Variants in CPQ observed in about 807,000 individuals in gnomAD.
CPQ encodes carboxypeptidase Q.
Under a neutral mutation model 45.7 loss-of-function variants are expected in CPQ, and 37 were observed. The ratio of observed to expected loss-of-function variants is 0.81; its 90% CI spans 0.62 to 1.07. CPQ has a LOEUF of 1.07. Among genes scored for constraint, CPQ ranks in the 50% least tolerant of loss-of-function variants. The pLI is 0.00. For missense variants in CPQ, 537 were observed against 572.9 expected (o/e 0.94, Z 0.64); for synonymous variants, 186 against 205.8 (o/e 0.90, Z 0.82).
intron 7 of CPQ, among the ~76,000 whole-genome samples, chr8:97,142,015 G>A (rs1812173546): frequency 6.6e-6 from 1 of 152,218 alleles, no homozygotes; most frequent in African/African-American, 2.4e-5. Flanking sequence ...AGACAGGCTA[G>A]TGGGTACCTC....
chr8:96,878,781 G>A (rs972964564), intron 3 of CPQ, among the ~76,000 whole-genome samples: 3 of 152,230 alleles, frequency 2.0e-5, no homozygotes, highest in Non-Finnish European at 2.9e-5. Context: ...TGTTGTGGGT[G>A]AAAGGAGGAG....
At chr8:96,976,313 C>T (rs1043717146) in intron 5 of CPQ, among the ~76,000 whole-genome samples, 8 of 142,748 alleles carry the variant, frequency 5.6e-5, no homozygotes, top group East Asian at 2.0e-4. Flanking sequence ...AAGACCTCTA[C>T]GAGTAAAACT....
At chr8:96,646,679 G>A (rs1198556512) in intron 1 of CPQ, among the ~76,000 whole-genome samples, 1 of 152,124 alleles carries the variant, frequency 6.6e-6, no homozygotes, top group East Asian at 1.9e-4. Flanking sequence ...ATCTCTTTAG[G>A]TTTTAATTTC....
rs924768107 is a variant in CPQ at position 96,663,730 on chromosome 8, A to G, written c.-35+18328A>G. On this transcript the variant is annotated intron_variant, in intron 1 of 7. Coordinates refer to ENST00000220763, the MANE Select transcript of CPQ (RefSeq NM_016134.4). ...ATTTTTTTCAACATCTTAAACTTCT[A>G]TTGAACAAATATTGTGTGTGTAGGT... 3.9e-5 allele frequency among the ~76,000 whole-genome samples: 6 copies of G among 152,126 alleles called. No homozygotes were observed. The East Asian group carries it at 7.7e-4, about 20-fold the overall frequency.
At chr8:96,755,844 C>G (rs1182655681) in intron 1 of CPQ, among the ~76,000 whole-genome samples, 1 of 151,806 alleles carries the variant, frequency 6.6e-6, no homozygotes, top group Non-Finnish European at 1.5e-5. Context: ...AGAATAAACA[C>G]AAGCATAAAA....
chr8:96,961,712 G>C (rs1353340251), intron 4 of CPQ, among the ~76,000 whole-genome samples: 1 of 151,960 alleles, frequency 6.6e-6, no homozygotes, highest in Non-Finnish European at 1.5e-5. Flanking sequence ...TTCAATTAAG[G>C]CTAGAATATT....
At chr8:97,101,134 G>A (rs1053794119) in intron 7 of CPQ, among the ~76,000 whole-genome samples, 1 of 151,958 alleles carries the variant, frequency 6.6e-6, no homozygotes, top group Non-Finnish European at 1.5e-5. Flanking sequence ...AATACTCCTC[G>A]TCCTTAAAGA....
At chr8:97,045,753 G>T (rs1810244651) in intron 6 of CPQ, among the ~76,000 whole-genome samples, 1 of 152,108 alleles carries the variant, frequency 6.6e-6, no homozygotes, top group South Asian at 2.1e-4. Flanking sequence ...TCTACTTCTG[G>T]TTACTGTGAT....
intron 4 of CPQ, among the ~76,000 whole-genome samples, chr8:96,896,468 T>A (rs2130893361): frequency 6.6e-6 from 1 of 152,306 alleles, no homozygotes; most frequent in South Asian, 2.1e-4. Flanking sequence ...TGTGCCTTCC[T>A]CATACTGACC....
At chr8:96,930,572 G>A (rs1401558525) in intron 4 of CPQ, among the ~76,000 whole-genome samples, 15 of 152,260 alleles carry the variant, frequency 9.9e-5, no homozygotes, top group Admixed American at 9.8e-4. Flanking sequence ...GTATTTTACT[G>A]GAAGTATAAT....
chr8:96,727,976 G>A (rs1320921067), intron 1 of CPQ, among the ~76,000 whole-genome samples: 2 of 152,150 alleles, frequency 1.3e-5, no homozygotes, highest in African/African-American at 2.4e-5. Flanking sequence ...CCCATAGGTC[G>A]CCCGTTGGTG....
chr8:96,969,348 A>G lies in CPQ; in HGVS notation c.961+3302A>G, dbSNP rs555107977. Among the ~76,000 whole-genome samples, 90 of 152,348 alleles carry G rather than the reference A, an allele frequency of 5.9e-4. 1 individual carries two copies. The highest frequency in any genetic ancestry group is 2.1e-3 in the African/African-American group (87 of 41,580). On this transcript the variant is annotated intron_variant, in intron 5 of 7. Transcript: ENST00000220763. ...TTGTGCATTGACTGCTGGTTCATGT[A>G]TCAGATGCCTTGCACTAAAGAGGAA...
intron 3 of CPQ, among the ~76,000 whole-genome samples, chr8:96,867,072 T>G (rs1812005309): frequency 6.6e-6 from 1 of 152,128 alleles, no homozygotes; most frequent in African/African-American, 2.4e-5. Flanking sequence ...TTATTTCCTA[T>G]CATCACCTGT....
intron 7 of CPQ, among the ~76,000 whole-genome samples, chr8:97,087,382 T>C (rs1222460601): frequency 1.3e-5 from 2 of 151,558 alleles, no homozygotes; most frequent in African/African-American, 4.9e-5. Flanking sequence ...CCTCGCCCAG[T>C]ATACTTCTCC....
intron 7 of CPQ, among the ~76,000 whole-genome samples, chr8:97,122,979 AAT>A (rs1272230304): frequency 1.5e-5 from 1 of 66,802 alleles, no homozygotes; most frequent in Admixed American, 2.3e-4. Flanking sequence ...AATAAAATAA[AAT>A]TAAAATAAAA....
At chr8:97,007,436 A>G (rs1362230872) in intron 5 of CPQ, among the ~76,000 whole-genome samples, 1 of 152,148 alleles carries the variant, frequency 6.6e-6, no homozygotes, top group Non-Finnish European at 1.5e-5. Flanking sequence ...CCTGACTCAT[A>G]TTTTAGTTTC....
chr8:96,841,885 T>C lies in CPQ; in HGVS notation c.641+6705T>C, dbSNP rs146478915. ...AGAGAGACATGAAAAAGTACATAAA[T>C]CAATCTCTATAATGATACTTAATTA... On this transcript the variant is annotated intron_variant, in intron 3 of 7. Coordinates refer to ENST00000220763, the MANE Select transcript of CPQ (RefSeq NM_016134.4). Among the ~76,000 whole-genome samples, 310 of 152,186 alleles carry C rather than the reference T, an allele frequency of 2.0e-3. 1 individual carries two copies. The highest frequency in any genetic ancestry group is 7.1e-3 in the African/African-American group (293 of 41,526).
At chr8:96,781,546 G>A (rs1308445755) in intron 1 of CPQ, among the ~76,000 whole-genome samples, 1 of 152,084 alleles carries the variant, frequency 6.6e-6, no homozygotes, top group Non-Finnish European at 1.5e-5. Context: ...CCATTACAAA[G>A]GCAATTAAAT....
At chr8:96,733,197 G>C (rs1227936776) in intron 1 of CPQ, among the ~76,000 whole-genome samples, 1 of 152,098 alleles carries the variant, frequency 6.6e-6, no homozygotes, top group East Asian at 1.9e-4. Context: ...CTATTTTAAA[G>C]ACCAGAACTA....
Sources: gnomAD v4.1 joint callset for allele counts (sites outside exome capture counted in the v4.1 genomes callset) on GRCh38, gnomAD v4.1.1 for gene constraint, MANE v1.5 for transcripts, NCBI Gene and HGNC (gene_info 2026-07-23, HGNC 2026-07-21) for gene names.